SCMH1: variants seen among roughly 807,000 people sequenced by gnomAD.
The protein encoded by SCMH1 is Scm polycomb group protein homolog 1.
A neutral mutation model predicts 70.8 loss-of-function variants in SCMH1; 37 were observed. That is an observed-to-expected ratio of 0.52 (90% CI 0.40 to 0.69). SCMH1 has a LOEUF of 0.69. Among genes scored for constraint, SCMH1 ranks in the 30% least tolerant of loss-of-function variants. The probability of loss-of-function intolerance (pLI) is 0.00; values close to 1 mark genes in which losing one functional copy is unlikely to be tolerated. For missense variants in SCMH1, 607 were observed against 827.3 expected (o/e 0.73, Z 3.27); for synonymous variants, 292 against 307.4 (o/e 0.95, Z 0.52).
chr1:41,028,082 C>A, exon 15 of SCMH1: 1 of 1,354,672 alleles, frequency 7.4e-7, no homozygotes, highest in South Asian at 1.3e-5. Flanking sequence ...CTCTTGGAGT[C>A]CTGAGGTGGC....
intron 6 of SCMH1, among the ~76,000 whole-genome samples, chr1:41,117,299 CT>C (rs1442466307): frequency 6.6e-6 from 1 of 152,028 alleles, no homozygotes; most frequent in Non-Finnish European, 1.5e-5. Flanking sequence ...GAGATAGGAG[CT>C]GAGGGGACAT....
chr1:41,170,300 G>T (rs1646702655), intron 2 of SCMH1, among the ~76,000 whole-genome samples: 1 of 152,236 alleles, frequency 6.6e-6, no homozygotes, highest in South Asian at 2.1e-4. Context: ...ATGGGGAGAA[G>T]TTGGATGCTG....
At chr1:41,104,058 G>A (rs1042685304) in intron 8 of SCMH1, among the ~76,000 whole-genome samples, 1 of 152,126 alleles carries the variant, frequency 6.6e-6, no homozygotes, top group Non-Finnish European at 1.5e-5. Context: ...CTGGCTCTGC[G>A]TGCAGTTCCC....
rs534726538 is a variant in SCMH1 at position 41,141,002 on chromosome 1, A to G, written c.412+1876T>C. ...GCAACAACAACAAAATCCTCCTTAA[A>G]TATTTTTGGAGGATGCTAATAAACC... is the stretch of plus-strand genomic sequence containing the variant. On this transcript the variant is annotated intron_variant, in intron 6 of 14. Coordinates refer to ENST00000337495, the Ensembl canonical transcript of SCMH1. 5.9e-5 allele frequency among the ~76,000 whole-genome samples: 9 copies of G among 152,350 alleles called. No individual in the cohort carries two copies. The South Asian group carries it at 8.3e-4, about 14-fold the overall frequency.
intron 2 of SCMH1, among the ~76,000 whole-genome samples, chr1:41,177,246 C>T (rs1397972355): frequency 1.3e-5 from 2 of 152,096 alleles, no homozygotes; most frequent in African/African-American, 2.4e-5. Flanking sequence ...CTGTACGTCA[C>T]CATCATCAAA....
chr1:41,079,673 G>T (rs1167961467), intron 8 of SCMH1, among the ~76,000 whole-genome samples: 1 of 152,010 alleles, frequency 6.6e-6, no homozygotes, highest in East Asian at 1.9e-4. Context: ...ACCAGCCTGG[G>T]CAACACTGTG....
chr1:41,176,199 A>C lies in SCMH1; in HGVS notation c.13+9922T>G, dbSNP rs143817179. ...AAAAACCAAAAAAAACAAAAAAAAA[A>C]CAAAAAAAAAAAAGGAAAGAAAGAG... On this transcript the variant is annotated intron_variant, in intron 2 of 14. Coordinates refer to ENST00000337495, the Ensembl canonical transcript of SCMH1. Among the ~76,000 whole-genome samples, 301 of 141,898 alleles carry C rather than the reference A, an allele frequency of 2.1e-3. 4 individuals are homozygous for C. The highest frequency in any genetic ancestry group is 2.5e-3 in the East Asian group (12 of 4,818). 93.1% of individuals were successfully genotyped at this position (141,898 alleles called of 152,430 possible).
intron 13 of SCMH1, among the ~76,000 whole-genome samples, chr1:41,030,449 T>C (rs980376017): frequency 1.3e-5 from 2 of 152,156 alleles, no homozygotes; most frequent in African/African-American, 4.8e-5. Flanking sequence ...ACACTAGCCT[T>C]CTTTCTGCTT....
At chr1:41,042,914 A>G (rs1646393492) in intron 12 of SCMH1, among the ~76,000 whole-genome samples, 3 of 151,496 alleles carry the variant, frequency 2.0e-5, no homozygotes, top group Admixed American at 2.0e-4. Context: ...TGAAAGATAG[A>G]AAAAAAAAGG....
chr1:41,213,884 A>AT (rs200250970), intron 1 of SCMH1, among the ~76,000 whole-genome samples: 65 of 140,636 alleles, frequency 4.6e-4, no homozygotes, highest in South Asian at 1.8e-3. Flanking sequence ...AATTGCTTAC[A>AT]TTTTTTTTTA....
Sources: allele counts gnomAD v4.1 joint callset (sites outside exome capture counted in the v4.1 genomes callset), GRCh38; gene constraint gnomAD v4.1.1; transcripts MANE v1.5; gene names NCBI Gene and HGNC (gene_info 2026-07-23, HGNC 2026-07-21).